Variants in GALNT18 observed in about 807,000 individuals in gnomAD.
The protein encoded by GALNT18 is GalNAc-transferase 18.
Under a neutral mutation model 69.5 loss-of-function variants are expected in GALNT18, and 44 were observed. The ratio of observed to expected loss-of-function variants is 0.63; its 90% CI spans 0.50 to 0.81. The LOEUF (loss-of-function observed/expected upper bound fraction) is 0.81, where lower values mean the gene tolerates loss of function less well. Ranked by LOEUF, GALNT18 falls within the 40% of genes least tolerant of loss-of-function variation. The probability of loss-of-function intolerance (pLI) is 0.00; values close to 1 mark genes in which losing one functional copy is unlikely to be tolerated. For missense variants in GALNT18, 715 were observed against 810.0 expected (o/e 0.88, Z 1.42); for synonymous variants, 364 against 318.2 (o/e 1.14, Z -1.53).
rs545558209 is a variant in GALNT18 at position 11,286,365 on chromosome 11, G to A, written c.1677+6664C>T. Among the ~76,000 whole-genome samples the A allele has an allele frequency of 5.4e-3, 801 of 148,684 alleles. 8 individuals are homozygous for A. The highest frequency in any genetic ancestry group is 0.02 in the African/African-American group (762 of 38,188). On this transcript the variant is annotated intron_variant, in intron 10 of 10. Coordinates refer to ENST00000227756, the MANE Select transcript of GALNT18 (RefSeq NM_198516.3). ...TAACTTTGAGTATCCTACATAATGA[G>A]TGTCTGTGTACCACAGGTGGGATGC...
intron 1 of GALNT18, among the ~76,000 whole-genome samples, chr11:11,486,587 T>A (rs182055355): frequency 7.9e-5 from 12 of 152,354 alleles, no homozygotes; most frequent in Non-Finnish European, 1.8e-4. Context: ...CAGTGTACTA[T>A]CTTTATTACA....
intron 1 of GALNT18, among the ~76,000 whole-genome samples, chr11:11,490,704 G>C (rs1856751633): frequency 6.6e-6 from 1 of 152,142 alleles, no homozygotes; most frequent in South Asian, 2.1e-4. Context: ...TTGTGCGTCA[G>C]AGACAGCCCA....
intron 10 of GALNT18, among the ~76,000 whole-genome samples, chr11:11,292,448 G>A (rs1182766001): frequency 2.6e-5 from 4 of 152,110 alleles, no homozygotes; most frequent in Admixed American, 6.5e-5. Context: ...AATGTCCCAC[G>A]GTCACTAGTG....
intron 3 of GALNT18, among the ~76,000 whole-genome samples, chr11:11,414,846 A>T (rs1271453990): frequency 6.6e-6 from 1 of 152,178 alleles, no homozygotes; most frequent in Non-Finnish European, 1.5e-5. Context: ...ATTATCTCAT[A>T]GTTTCTATAG....
At position 11,340,230 on chromosome 11, in the gene GALNT18, A is replaced by T. The variant is rs777006609; in HGVS notation, c.1278+589T>A. 1.4e-4 allele frequency among the ~76,000 whole-genome samples: 21 copies of T among 146,554 alleles called. 1 individual carries two copies. The highest frequency in any genetic ancestry group is 3.6e-3 in the Middle Eastern group (1 of 280). On this transcript the variant is annotated intron_variant, in intron 7 of 10. Transcript: ENST00000227756. This position sits in a 1 kb window ranked among gnomAD's most constrained non-coding sequence, Gnocchi z 4.2. ...GCTTTTCCTCTGGCATTTCTTAAGT[A>T]CAGGTGACCAGAGGGATAGAGGACA...
intron 3 of GALNT18, among the ~76,000 whole-genome samples, chr11:11,390,095 C>A (rs1399972310): frequency 6.6e-6 from 1 of 152,142 alleles, no homozygotes; most frequent in Non-Finnish European, 1.5e-5. Context: ...TCCCATGAGT[C>A]TAAGCTCCTG....
At chr11:11,319,530 A>C (rs564839648) in intron 9 of GALNT18, among the ~76,000 whole-genome samples, 1 of 152,318 alleles carries the variant, frequency 6.6e-6, no homozygotes, top group East Asian at 1.9e-4. Flanking sequence ...GGGTGGAGTT[A>C]TGCTGCTACA....
chr11:11,376,765 A>G (rs1032840630), intron 5 of GALNT18, among the ~76,000 whole-genome samples: 1 of 152,154 alleles, frequency 6.6e-6, no homozygotes, highest in Admixed American at 6.5e-5. Flanking sequence ...CTTCAAAAAC[A>G]AGTGAAAATG....
chr11:11,479,571 T>G (rs6484942), intron 1 of GALNT18, among the ~76,000 whole-genome samples: 120,599 of 152,070 alleles, frequency 0.79, 48,598 homozygotes, highest in Admixed American at 0.87. Context: ...TTTATTTTAT[T>G]ATAGATACTA....
rs1210324390 is a variant in GALNT18, at chr11:11,430,130, CAAAAAAAACCAAAAT to C, written c.595+2476_595+2490del. On this transcript the variant is annotated intron_variant, in intron 3 of 10. Coordinates refer to ENST00000227756, the MANE Select transcript of GALNT18 (RefSeq NM_198516.3). The surrounding 1 kb of genome is among the most constrained non-coding windows in gnomAD (Gnocchi z 4.9). ...TGGGCAACAGAGCAAGACCCTGTCT[CAAAAAAAACCAAAAT>C]AAAAAAAAGAATGCTTTTTAAAACA... Among the ~76,000 whole-genome samples, 1 of 151,166 alleles carries C rather than the reference CAAAAAAAACCAAAAT, an allele frequency of 6.6e-6. No individual in the cohort carries two copies. The highest frequency in any genetic ancestry group is 2.4e-5 in the African/African-American group (1 of 41,100).
At chr11:11,304,969 T>A (rs1050263970) in intron 9 of GALNT18, among the ~76,000 whole-genome samples, 15 of 152,174 alleles carry the variant, frequency 9.9e-5, no homozygotes, top group Non-Finnish European at 4.4e-5. Flanking sequence ...TGTAAGCCAC[T>A]GAGATGTGCG....
In GALNT18 at chr11:11,338,996, A is replaced by G. The variant is rs1850157999; in HGVS notation, c.1278+1823T>C. On this transcript the variant is annotated intron_variant, in intron 7 of 10. Transcript: ENST00000227756. The surrounding 1 kb of genome is among the most constrained non-coding windows in gnomAD (Gnocchi z 5.3). ...ATGTCCATTAAATTAAGCATTTGGGAGGCCTATGTTGACCTTGACAAAGCA... is the reference window on the plus strand; with the variant it reads ...ATGTCCATTAAATTAAGCATTTGGGGGGCCTATGTTGACCTTGACAAAGCA... 6.6e-6 allele frequency among the ~76,000 whole-genome samples: 1 copy of G among 152,202 alleles called. No individual in the cohort carries two copies. The highest frequency in any genetic ancestry group is 2.4e-5 in the African/African-American group (1 of 41,442).
At position 11,444,679 on chromosome 11, in the gene GALNT18, T is replaced by C. The variant is rs185716333; in HGVS notation, c.428+4065A>G. On this transcript the variant is annotated intron_variant, in intron 2 of 10. Coordinates refer to ENST00000227756, the MANE Select transcript of GALNT18 (RefSeq NM_198516.3). The surrounding 1 kb of genome is among the most constrained non-coding windows in gnomAD (Gnocchi z 4.4). ...AAAAAAAGGAGACAAAGTAAGTGAC[T>C]AGCTAGAGGTGAGAGAAAGGAGGGT... Among the ~76,000 whole-genome samples, 61 of 152,214 alleles carry C rather than the reference T, an allele frequency of 4.0e-4. No individual in the cohort carries two copies. In the East Asian group the frequency reaches 0.01, roughly 25 times the overall value.
chr11:11,392,190 G>A (rs1279804707), intron 3 of GALNT18, among the ~76,000 whole-genome samples: 5 of 152,136 alleles, frequency 3.3e-5, no homozygotes, highest in Non-Finnish European at 5.9e-5. Context: ...CCAGAGAGCC[G>A]GAGCCTGGCA....
intron 8 of GALNT18, among the ~76,000 whole-genome samples, chr11:11,327,387 A>G (rs1849942170): frequency 6.6e-6 from 1 of 152,224 alleles, no homozygotes; most frequent in Admixed American, 6.5e-5. Flanking sequence ...TGCAGGAGAA[A>G]CACTTACATG....
Position 11,596,069 on chromosome 11 carries a change from G to A in GALNT18, c.235+25290C>T, listed in dbSNP as rs12271147. Among the ~76,000 whole-genome samples, 3,730 of 152,254 alleles carry A rather than the reference G, an allele frequency of 0.024. 155 individuals carry two copies. The highest frequency in any genetic ancestry group is 0.084 in the African/African-American group (3,508 of 41,540). On this transcript the variant is annotated intron_variant, in intron 1 of 10. Coordinates refer to ENST00000227756, the MANE Select transcript of GALNT18 (RefSeq NM_198516.3). This position sits in a 1 kb window ranked among gnomAD's most constrained non-coding sequence, Gnocchi z 4.2. ...TTTTGAGTTAGTTTTTGTGGATAGA[G>A]TGAGATGGGGGACAACTTTATTCTT...
intron 9 of GALNT18, among the ~76,000 whole-genome samples, chr11:11,316,192 G>C (rs4909986): frequency 0.59 from 89,819 of 151,972 alleles, 27,563 homozygotes; most frequent in Admixed American, 0.74. Context: ...CACACGCCAC[G>C]GAGTCATGGA....
chr11:11,316,535 T>C (rs1849758866), intron 9 of GALNT18, among the ~76,000 whole-genome samples: 2 of 152,186 alleles, frequency 1.3e-5, no homozygotes, highest in South Asian at 4.1e-4. Flanking sequence ...TCATCTCAAC[T>C]CTAATCTTTA....
rs1000851750 is a variant in GALNT18 at position 11,314,087 on chromosome 11, G to A, written c.1512+12999C>T. Among the ~76,000 whole-genome samples the A allele has an allele frequency of 1.3e-5, 2 of 152,102 alleles. No homozygotes were observed. Among genetic ancestry groups the A allele is most frequent in the African/African-American group, 4.8e-5 (2 of 41,414 alleles). ...TTGGCAGAGAGCACAGAGCCAAGGCGGGATCTAAAATTAGCTCCTCTGTCA... is the reference window on the plus strand; with the variant it reads ...TTGGCAGAGAGCACAGAGCCAAGGCAGGATCTAAAATTAGCTCCTCTGTCA... On this transcript the variant is annotated intron_variant, in intron 9 of 10. Coordinates refer to ENST00000227756, the MANE Select transcript of GALNT18 (RefSeq NM_198516.3). The surrounding 1 kb of genome is among the most constrained non-coding windows in gnomAD (Gnocchi z 5.2).
Sources: gnomAD v4.1 joint callset for allele counts (sites outside exome capture counted in the v4.1 genomes callset) on GRCh38, gnomAD v4.1.1 for gene constraint, Gnocchi (gnomAD v3.1) non-coding constraint, MANE v1.5 for transcripts, NCBI Gene and HGNC (gene_info 2026-07-23, HGNC 2026-07-21) for gene names.